Variants in CAMTA1 observed in about 807,000 individuals in gnomAD.
The protein encoded by CAMTA1 is calmodulin binding transcription activator 1.
A neutral mutation model predicts 170.9 loss-of-function variants in CAMTA1; 27 were observed. The ratio of observed to expected loss-of-function variants is 0.16; its 90% CI spans 0.12 to 0.22. The LOEUF (loss-of-function observed/expected upper bound fraction) is 0.22. Ranked by LOEUF, CAMTA1 falls within the 10% of genes least tolerant of loss-of-function variation. CAMTA1 has a pLI of 1.00. For synonymous variants in CAMTA1, 833 were observed against 891.5 expected (o/e 0.93, Z 1.17); for missense variants, 1,619 against 2,217.2 (o/e 0.73, Z 5.42).
chr1:7,299,675 A>T lies in CAMTA1; in HGVS notation c.438+50049A>T, dbSNP rs969142013. ...AGCAATGCCCCAACCCCACACAGAG[A>T]CACACGCCCAATCAGTGCCCTGTAC... On this transcript the variant is annotated intron_variant, in intron 5 of 22. Coordinates refer to ENST00000303635, the MANE Select transcript of CAMTA1 (RefSeq NM_015215.4). This position sits in a 1 kb window ranked among gnomAD's most constrained non-coding sequence, Gnocchi z 4.7. Among the ~76,000 whole-genome samples the T allele has an allele frequency of 3.9e-5, 6 of 152,150 alleles. No homozygotes were observed. The highest frequency in any genetic ancestry group is 1.3e-4 in the Admixed American group (2 of 15,268).
intron 4 of CAMTA1, among the ~76,000 whole-genome samples, chr1:7,111,017 A>G (rs1444177036): frequency 6.6e-6 from 1 of 152,212 alleles, no homozygotes; most frequent in Non-Finnish European, 1.5e-5. Context: ...TGGGAGGAGA[A>G]TCCATCTCTT....
chr1:7,233,385 G>A (rs1181222009), intron 4 of CAMTA1, among the ~76,000 whole-genome samples: 3 of 152,132 alleles, frequency 2.0e-5, no homozygotes, highest in Non-Finnish European at 2.9e-5. Flanking sequence ...ACGTGACCTG[G>A]CTGCACCAAG....
intron 11 of CAMTA1, among the ~76,000 whole-genome samples, chr1:7,714,956 G>A (rs1476164241): frequency 6.6e-6 from 1 of 152,168 alleles, no homozygotes; most frequent in Non-Finnish European, 1.5e-5. Context: ...TGTTTGCTAC[G>A]TTCAGCCCCA....
intron 4 of CAMTA1, among the ~76,000 whole-genome samples, chr1:7,237,358 G>A (rs945319941): frequency 3.3e-5 from 5 of 152,148 alleles, no homozygotes; most frequent in African/African-American, 7.2e-5. Flanking sequence ...AAGATCCACC[G>A]CAAGTCCACG....
rs150920709 is a variant in CAMTA1 at position 7,324,918 on chromosome 1, T to A, written c.438+75292T>A. 2.3e-3 allele frequency among the ~76,000 whole-genome samples: 352 copies of A among 152,276 alleles called. 2 individuals are homozygous for A. The highest frequency in any genetic ancestry group is 8.1e-3 in the African/African-American group (338 of 41,556). ...GTACCTTAACAGGGCCTAAGGTTAA[T>A]CTACAGTTTGACCATCCTTTTGAAC... On this transcript the variant is annotated intron_variant, in intron 5 of 22. Transcript: ENST00000303635.
intron 5 of CAMTA1, among the ~76,000 whole-genome samples, chr1:7,295,915 G>T (rs1201607272): frequency 1.3e-5 from 2 of 152,232 alleles, no homozygotes; most frequent in Non-Finnish European, 2.9e-5. Context: ...GCCAGGCATA[G>T]CTCTGCTGAT....
intron 11 of CAMTA1, among the ~76,000 whole-genome samples, chr1:7,717,674 G>A (rs1176037555): frequency 2.0e-5 from 3 of 151,990 alleles, no homozygotes; most frequent in Non-Finnish European, 4.4e-5. Flanking sequence ...GCTGTGGTGA[G>A]TCATGTTTGC....
At chr1:7,103,196 G>C (rs1045182662) in intron 4 of CAMTA1, among the ~76,000 whole-genome samples, 1 of 151,984 alleles carries the variant, frequency 6.6e-6, no homozygotes, top group Admixed American at 6.6e-5. Flanking sequence ...ACCCTTGCCT[G>C]GTTGCCCTAG....
intron 5 of CAMTA1, among the ~76,000 whole-genome samples, chr1:7,364,410 A>G (rs1242951321): frequency 1.3e-5 from 2 of 151,584 alleles, no homozygotes; most frequent in African/African-American, 2.4e-5. Context: ...GTGTCCTCAC[A>G]TGGTGGAGGA....
intron 3 of CAMTA1, among the ~76,000 whole-genome samples, chr1:7,055,240 T>C (rs1412063893): frequency 6.6e-6 from 1 of 152,208 alleles, no homozygotes; most frequent in African/African-American, 2.4e-5. Flanking sequence ...GTTAGGAGAT[T>C]AATGAGAATG....
chr1:6,802,191 G>C (rs1643931337), intron 1 of CAMTA1, among the ~76,000 whole-genome samples: 1 of 152,170 alleles, frequency 6.6e-6, no homozygotes, highest in Non-Finnish European at 1.5e-5. Flanking sequence ...CTTCTCTGGA[G>C]CTGGGCTTTT....
At chr1:7,554,623 T>G (rs998663136) in intron 6 of CAMTA1, among the ~76,000 whole-genome samples, 1 of 152,144 alleles carries the variant, frequency 6.6e-6, no homozygotes, top group African/African-American at 2.4e-5. Flanking sequence ...CCTGATCATC[T>G]CTGACCTGTT....
In CAMTA1 at chr1:7,258,659, A is replaced by G. The variant is rs142856322; in HGVS notation, c.438+9033A>G. 5.0e-3 allele frequency among the ~76,000 whole-genome samples: 760 copies of G among 152,326 alleles called. 14 individuals are homozygous for G. The highest frequency in any genetic ancestry group is 0.039 in the Admixed American group (594 of 15,300). Reference sequence around the variant, plus strand: ...TTTTCCCCTTGGTAAGTGACCAGACATGGTTATTTGCCTTGGGTGAAGAGT... The same window carrying G: ...TTTTCCCCTTGGTAAGTGACCAGACGTGGTTATTTGCCTTGGGTGAAGAGT... On this transcript the variant is annotated intron_variant, in intron 5 of 22. Coordinates refer to ENST00000303635, the MANE Select transcript of CAMTA1 (RefSeq NM_015215.4).
rs1202091320 is a variant in CAMTA1, at chr1:6,904,765, T to TA, written c.234+79557dup. Among the ~76,000 whole-genome samples the TA allele has an allele frequency of 1.3e-4, 14 of 105,956 alleles. No homozygotes were observed. The South Asian group carries it at 1.6e-3, about 12-fold the overall frequency. 69.5% of individuals were successfully genotyped at this position (105,956 alleles called of 152,430 possible). A position where few individuals can be genotyped will look rare whatever the true frequency, so the allele number is the denominator to read the frequency against. ...TTTTTTTTTTTTTTTTTTTTTTTTT[T>TA]AATTTTTGGCAGAGACGAGGTCTTG... On this transcript the variant is annotated intron_variant, in intron 3 of 22. Coordinates refer to ENST00000303635, the MANE Select transcript of CAMTA1 (RefSeq NM_015215.4).
intron 5 of CAMTA1, among the ~76,000 whole-genome samples, chr1:7,412,208 G>T (rs1207454849): frequency 2.6e-5 from 4 of 152,128 alleles, no homozygotes; most frequent in African/African-American, 9.7e-5. Context: ...GAATAGTGCT[G>T]CAATAAACAT....
chr1:7,331,397 T>G (rs920049316), intron 5 of CAMTA1, among the ~76,000 whole-genome samples: 1 of 152,202 alleles, frequency 6.6e-6, no homozygotes, highest in Non-Finnish European at 1.5e-5. Flanking sequence ...TAAAAATGAA[T>G]GAGGATCTCA....
intron 4 of CAMTA1, among the ~76,000 whole-genome samples, chr1:7,162,705 C>A (rs1260890261): frequency 6.6e-6 from 1 of 152,136 alleles, no homozygotes; most frequent in Non-Finnish European, 1.5e-5. Context: ...CATTTATCAG[C>A]TCCTCAGTTG....
intron 6 of CAMTA1, among the ~76,000 whole-genome samples, chr1:7,477,705 G>A (rs1225117132): frequency 6.6e-6 from 1 of 152,202 alleles, no homozygotes; most frequent in Non-Finnish European, 1.5e-5. Context: ...TCTGGGGACT[G>A]GGCGACAGGA....
intron 6 of CAMTA1, among the ~76,000 whole-genome samples, chr1:7,505,591 C>T (rs1371359430): frequency 6.6e-6 from 1 of 152,148 alleles, no homozygotes; most frequent in South Asian, 2.1e-4. Flanking sequence ...AGGGACCTGG[C>T]GGTGCCCCAG....
Sources: gnomAD v4.1 joint callset for allele counts (sites outside exome capture counted in the v4.1 genomes callset) on GRCh38, gnomAD v4.1.1 for gene constraint, Gnocchi (gnomAD v3.1) non-coding constraint, MANE v1.5 for transcripts, NCBI Gene and HGNC (gene_info 2026-07-23, HGNC 2026-07-21) for gene names.